Variants in MYO1C observed in about 807,000 individuals in gnomAD.
The protein encoded by MYO1C is myosin IC, also known as unconventional myosin-Ic.
Under a neutral mutation model 150.8 loss-of-function variants are expected in MYO1C, and 104 were observed. The observed-to-expected ratio is 0.69, with a 90% confidence interval of 0.59 to 0.81. MYO1C has a LOEUF of 0.81. MYO1C is among the 30% of genes least tolerant of loss of function. MYO1C has a pLI of 0.00. For missense variants in MYO1C, 1,504 were observed against 1,435.0 expected (o/e 1.05, Z -0.78); for synonymous variants, 663 against 579.9 (o/e 1.14, Z -2.06).
In MYO1C at chr17:1,474,798, C is replaced by T; in HGVS notation, c.1716+14G>A. On this transcript the variant is annotated intron_variant, in intron 16 of 31. Transcript: ENST00000648651. ...ATCCCCACCCCCACCCCGGCCTCCC[C>T]ACGTCCTCCTCACCTCCTTAAGGTT... is the stretch of plus-strand genomic sequence containing the variant. The T allele has an allele frequency of 6.2e-7, 1 of 1,613,926 alleles. No homozygotes were observed. Among genetic ancestry groups the T allele is most frequent in the Non-Finnish European group, 8.5e-7 (1 of 1,179,830 alleles).
At chr17:1,485,772 CGGT>C in intron 1 of MYO1C, 1 of 1,014,176 alleles carries the variant, frequency 9.9e-7, no homozygotes, top group Non-Finnish European at 1.2e-6. Context: ...GGCTCGGCGG[CGGT>C]GGCGGCGGCG....
chr17:1,470,775 A>G (rs1440484811), intron 21 of MYO1C, 86 bp from the exon 22 acceptor site: 1 of 1,386,448 alleles, frequency 7.2e-7, no homozygotes. Context: ...GAGTGGCATG[A>G]ATGGGAGAGT....
chr17:1,481,041 G>A (rs747743596), intron 5 of MYO1C, 156 bp from the exon 6 acceptor site: 91 of 695,070 alleles, frequency 1.3e-4, no homozygotes, highest in Admixed American at 2.4e-4. Context: ...CGCCACCCAC[G>A]CTGGACTCAG....
At chr17:1,471,789 G>C in intron 19 of MYO1C, 118 bp downstream of exon 19, 2 of 1,108,958 alleles carry the variant, frequency 1.8e-6, no homozygotes, top group South Asian at 1.3e-5. Context: ...GGGCAGCCCA[G>C]GGCCTCCGCA....
At position 1,474,644 on chromosome 17, in the gene MYO1C, C is replaced by G; in HGVS notation, c.1763G>C (p.Arg588Pro). 2 of 1,614,002 alleles carry G rather than the reference C, an allele frequency of 1.2e-6. No individual in the cohort carries two copies. The highest frequency in any genetic ancestry group is 1.7e-6 in the Non-Finnish European group (2 of 1,179,960). ...KNPIMSQCFD[R>P]SELSDKKRPE... is the part of the protein sequence containing the mutation. ...CCGCTTCTTGTCACTGAGCTCGCTC[C>G]GGTCAAAGCACTGGCTCATAATGGG... The change falls in exon 17 of 32, where the codon CGG becomes CCG. Residue 588 changes from arginine (R) to proline (P), a missense_variant. Transcript: ENST00000648651.
rs548792139 is a variant in MYO1C, at chr17:1,465,719, G to A, written c.*7C>T. On this transcript the variant is annotated 3_prime_UTR_variant, in exon 32 of 32. Transcript: ENST00000648651. ...TGGGCGTTGGGAGGGTCCAGTGGGC[G>A]CCTTTATCACCGAGAATTCAGCCGT... The A allele has an allele frequency of 2.6e-5, 35 of 1,325,298 alleles. No homozygotes were observed. The East Asian group carries it at 4.2e-4, about 16-fold the overall frequency. The allele number at this position is 1,325,298 out of a possible 1,614,324, so 82.1% of individuals were successfully genotyped here.
chr17:1,469,418 G>A (rs2074251742), intron 25 of MYO1C, 113 bp downstream of exon 25: 21 of 1,037,820 alleles, frequency 2.0e-5, no homozygotes, highest in Middle Eastern at 2.6e-4. Flanking sequence ...ACGGTAGAAC[G>A]CGGTAAATAC....
chr17:1,480,132 G>A (rs1158339838), intron 7 of MYO1C, among the ~76,000 whole-genome samples: 4 of 93,994 alleles, frequency 4.3e-5, no homozygotes, highest in African/African-American at 1.3e-4. Context: ...GCGAAAGAGC[G>A]AGACTCCATC....
chr17:1,465,562 C>T lies in MYO1C; in HGVS notation c.*164G>A. 1 of 766,284 alleles carries T rather than the reference C, an allele frequency of 1.3e-6. No homozygotes were observed. The highest frequency in any genetic ancestry group is 1.9e-6 in the Non-Finnish European group (1 of 530,902). 47.5% of individuals were successfully genotyped at this position (766,284 alleles called of 1,614,324 possible). A position where few individuals can be genotyped will look rare whatever the true frequency, so the allele number is the denominator to read the frequency against. On this transcript the variant is annotated 3_prime_UTR_variant, in exon 32 of 32. Transcript: ENST00000648651. ...CCACTCCTGGGGTAGCTCCTGGCCC[C>T]TGCTGCTCCCTCAAGAGAGGGATGG... is the stretch of plus-strand genomic sequence containing the variant.
chr17:1,472,219 G>C lies in MYO1C; in HGVS notation c.1807C>G (p.Gln603Glu), dbSNP rs1199328131. ...DKKRPETVATQFKMSLLQLVE... is the reference protein window; with the variant it reads ...DKKRPETVATEFKMSLLQLVE... ...AGCTGCAGGAGGCTCATCTTGAACTGGGTGGCGACCTGGCGAGCCAAGAGG... is the reference window on the plus strand; with the variant it reads ...AGCTGCAGGAGGCTCATCTTGAACTCGGTGGCGACCTGGCGAGCCAAGAGG... Residue 603 changes from glutamine to glutamate, a missense_variant, in exon 18 of 32, where the codon CAG becomes GAG. Physicochemically the swap from Gln to Glu is conservative, Grantham distance 29 (BLOSUM62 2). Transcript: ENST00000648651. 8 of 1,613,968 alleles carry C rather than the reference G, an allele frequency of 5.0e-6. No individual in the cohort carries two copies. Among genetic ancestry groups the C allele is most frequent in the East Asian group, 2.2e-5 (1 of 44,896 alleles).
Position 1,479,792 on chromosome 17 carries a change from G to A in MYO1C, c.907-87C>T. 1.1e-6 allele frequency: 1 copy of A among 895,394 alleles called. No homozygotes were observed. Among genetic ancestry groups the A allele is most frequent in the Non-Finnish European group, 1.8e-6 (1 of 562,018 alleles). 55.5% of individuals were successfully genotyped at this position (895,394 alleles called of 1,614,324 possible). A position where few individuals can be genotyped will look rare whatever the true frequency, so the allele number is the denominator to read the frequency against. ...CTAGCAGATGGCCATGCAGGGGTGG[G>A]TGGTGAAGTGTCGGAGAGAAGGGGC... is the stretch of plus-strand genomic sequence containing the variant. On this transcript the variant is annotated intron_variant, in intron 7 of 31. Coordinates refer to ENST00000648651, the MANE Select transcript of MYO1C (RefSeq NM_001080779.2). The surrounding 1 kb of genome is among the most constrained non-coding windows in gnomAD (Gnocchi z 4.2).
chr17:1,466,404 C>G (rs1377784256), intron 31 of MYO1C, among the ~76,000 whole-genome samples: 1 of 152,130 alleles, frequency 6.6e-6, no homozygotes, highest in Non-Finnish European at 1.5e-5. Flanking sequence ...AATCTCGGCT[C>G]ACCGCAACCT....
Position 1,471,938 on chromosome 17 carries a change from A to G in MYO1C, c.1990T>C (p.Tyr664His). The G allele has an allele frequency of 7.4e-6, 12 of 1,614,136 alleles. No homozygotes were observed. Among genetic ancestry groups the G allele is most frequent in the Non-Finnish European group, 1.0e-5 (12 of 1,180,026 alleles). Reference protein sequence around the residue: ...NLRVRRAGFAYRRKYEAFLQR... With the variant: ...NLRVRRAGFAHRRKYEAFLQR... ...AGGAAAGCTTCGTATTTGCGGCGAT[A>G]GGCAAAGCCGGCTCTGCGCACGCGC... Residue 664 changes from tyrosine (Y) to histidine (H), a missense_variant, in exon 19 of 32, where the codon TAT becomes CAT. Tyr to His is a moderately conservative substitution (Grantham distance 83). Transcript: ENST00000648651.
At chr17:1,474,498 G>A in intron 17 of MYO1C, 112 bp downstream of exon 17, 4 of 1,022,934 alleles carry the variant, frequency 3.9e-6, no homozygotes, top group Non-Finnish European at 6.1e-6. Context: ...ACCTGCAGAT[G>A]TGCACGGGCT....
chr17:1,485,099 G>C (rs140139188), intron 1 of MYO1C: 1 of 1,235,126 alleles, frequency 8.1e-7, no homozygotes, highest in East Asian at 5.6e-5. Context: ...GTCCTGAGAA[G>C]CCTCAGGGGA....
intron 1 of MYO1C, among the ~76,000 whole-genome samples, chr17:1,488,446 G>A (rs757574371): frequency 1.3e-5 from 2 of 152,246 alleles, no homozygotes; most frequent in African/African-American, 2.4e-5. Flanking sequence ...GGCTGAGGCT[G>A]CAGCGCCAGG....
Position 1,477,883 on chromosome 17 carries a change from G to T in MYO1C, c.1482+8C>A, listed in dbSNP as rs373472951. Reference sequence around the variant, plus strand: ...CAGCACCAGGCCTTGGAGGCGCAGAGGACTCACCAAAATCGAGATGATGCC... The same window carrying T: ...CAGCACCAGGCCTTGGAGGCGCAGATGACTCACCAAAATCGAGATGATGCC... On this transcript the variant is annotated splice_region_variant and intron_variant, in intron 13 of 31. Coordinates refer to ENST00000648651, the MANE Select transcript of MYO1C (RefSeq NM_001080779.2). 12 of 1,612,608 alleles carry T rather than the reference G, an allele frequency of 7.4e-6. No individual in the cohort carries two copies. The highest frequency in any genetic ancestry group is 1.1e-5 in the South Asian group (1 of 91,038).
At chr17:1,470,122 C>T (rs563298177) in intron 24 of MYO1C, 53 bp downstream of exon 24, 3 of 1,544,160 alleles carry the variant, frequency 1.9e-6, no homozygotes, top group Non-Finnish European at 2.6e-6. Context: ...GAAATCAGAC[C>T]CTTCTGCTGT....
At chr17:1,477,338 T>G (rs1318902419) in intron 14 of MYO1C, 167 bp downstream of exon 14, 3 of 673,298 alleles carry the variant, frequency 4.5e-6, no homozygotes, top group South Asian at 1.7e-5. Flanking sequence ...TCAGCATGCC[T>G]GGCTAAGCTT....
Sources: allele counts gnomAD v4.1 joint callset (sites outside exome capture counted in the v4.1 genomes callset), GRCh38; gene constraint gnomAD v4.1.1; non-coding constraint Gnocchi (gnomAD v3.1); transcripts MANE v1.5; gene names NCBI Gene and HGNC (gene_info 2026-07-23, HGNC 2026-07-21).